RBM34: variants seen among roughly 807,000 people sequenced by gnomAD.
The protein encoded by RBM34 is RNA binding motif protein 34, also known as RNA-binding protein 34.
RBM34 carries 39 observed loss-of-function variants against 44.6 expected under a neutral mutation model. That is an observed-to-expected ratio of 0.87 (90% CI 0.68 to 1.14). The LOEUF (loss-of-function observed/expected upper bound fraction) is 1.14. RBM34 is among the 50% of genes most tolerant of loss of function. The pLI is 0.00. For synonymous variants in RBM34, 194 were observed against 184.0 expected (o/e 1.05, Z -0.44); for missense variants, 572 against 517.9 (o/e 1.10, Z -1.01).
intron 5 of RBM34, among the ~76,000 whole-genome samples, chr1:235,150,340 G>A (rs1321080469): frequency 2.6e-5 from 4 of 152,122 alleles, no homozygotes; most frequent in Admixed American, 1.3e-4. Flanking sequence ...CAAAGTGCTG[G>A]GTTACAGGCA....
At chr1:235,142,284 T>TA (rs1572150980) in intron 6 of RBM34, among the ~76,000 whole-genome samples, 1 of 107,296 alleles carries the variant, frequency 9.3e-6, no homozygotes, top group Non-Finnish European at 2.0e-5. Flanking sequence ...GCAATAGCAC[T>TA]TTTTTTATTT....
At chr1:235,138,215 A>C in intron 6 of RBM34, 41 bp from the exon 7 acceptor site, 1 of 1,513,052 alleles carries the variant, frequency 6.6e-7, no homozygotes, top group Non-Finnish European at 9.0e-7. Flanking sequence ...AAAGAGAGAC[A>C]AGGTAAATTT....
At chr1:235,141,599 G>A (rs913372636) in intron 6 of RBM34, among the ~76,000 whole-genome samples, 3 of 152,160 alleles carry the variant, frequency 2.0e-5, no homozygotes, top group African/African-American at 7.2e-5. Context: ...CACTGTGGAA[G>A]CTTTGTCCTT....
At chr1:235,150,283 C>T (rs771150178) in intron 5 of RBM34, among the ~76,000 whole-genome samples, 3 of 152,182 alleles carry the variant, frequency 2.0e-5, no homozygotes, top group Non-Finnish European at 4.4e-5. Flanking sequence ...CCATGTTGGC[C>T]AGGCTGGTCT....
At chr1:235,157,888 G>A (rs1033790695) in intron 3 of RBM34, among the ~76,000 whole-genome samples, 2 of 152,144 alleles carry the variant, frequency 1.3e-5, no homozygotes, top group Non-Finnish European at 2.9e-5. Context: ...GCACAGTCAG[G>A]ACGGAGAATA....
intron 3 of RBM34, 143 bp from the exon 4 acceptor site, chr1:235,155,255 T>C (rs980176893): frequency 8.6e-6 from 6 of 696,436 alleles, no homozygotes; most frequent in Non-Finnish European, 1.5e-5. Flanking sequence ...CACAAATATA[T>C]CAAAATTTTT....
chr1:235,148,790 C>G lies in RBM34; in HGVS notation c.658-343G>C, dbSNP rs969175987. On this transcript the variant is annotated intron_variant, in intron 5 of 10. Transcript: ENST00000408888. ...ATTTTTTGTATTTTTAGTAGAGATG[C>G]GGTTTCATCAGGTTAGCCAGGATGG... is the stretch of plus-strand genomic sequence containing the variant. Among the ~76,000 whole-genome samples, 17 of 151,780 alleles carry G rather than the reference C, an allele frequency of 1.1e-4. No homozygotes were observed. The East Asian group carries it at 1.2e-3, about 11-fold the overall frequency.
intron 6 of RBM34, among the ~76,000 whole-genome samples, chr1:235,146,727 T>G (rs1661924612): frequency 6.6e-6 from 1 of 152,130 alleles, no homozygotes; most frequent in African/African-American, 2.4e-5. Flanking sequence ...ATCAAGCGAT[T>G]CTCTTGCCTC....
At chr1:235,145,736 T>C (rs1661873761) in intron 6 of RBM34, among the ~76,000 whole-genome samples, 1 of 152,230 alleles carries the variant, frequency 6.6e-6, no homozygotes, top group Non-Finnish European at 1.5e-5. Context: ...CAGATAAGTT[T>C]AGCTTATGTA....
At chr1:235,134,378 C>T (rs1253820357) in intron 10 of RBM34, among the ~76,000 whole-genome samples, 2 of 152,080 alleles carry the variant, frequency 1.3e-5, no homozygotes, top group Non-Finnish European at 1.5e-5. Flanking sequence ...CCAAGCTGGA[C>T]TTGAAGTCCT....
intron 5 of RBM34, among the ~76,000 whole-genome samples, chr1:235,151,496 C>T (rs1662156342): frequency 6.6e-6 from 1 of 152,174 alleles, no homozygotes; most frequent in South Asian, 2.1e-4. Context: ...ACGTCTACTT[C>T]TATAGAAGTG....
intron 5 of RBM34, among the ~76,000 whole-genome samples, chr1:235,149,087 C>T (rs1662039701): frequency 6.6e-6 from 1 of 151,676 alleles, no homozygotes; most frequent in Non-Finnish European, 1.5e-5. Flanking sequence ...ATGAAAGACA[C>T]ATGAAAAATG....
chr1:235,131,959 ATTAT>A lies in RBM34; in HGVS notation c.1043_1046del (p.Asn348IlefsTer29), dbSNP rs759689242. On this transcript the variant is annotated frameshift_variant, in exon 11 of 11. Transcript: ENST00000408888. LOFTEE classifies it high-confidence loss of function. The stretch of plus-strand genomic sequence containing the variant: ...TGAGTTTTCTCCCCATGAGTTCAGA[ATTAT>A]TTAATTTCAGAGCAAGATGAACAGA... 1.2e-6 allele frequency: 2 copies of A among 1,604,972 alleles called. No homozygotes were observed. The highest frequency in any genetic ancestry group is 1.1e-5 in the South Asian group (1 of 89,972).
intron 6 of RBM34, 120 bp downstream of exon 6, chr1:235,148,284 T>C (rs1661995825): frequency 3.2e-6 from 2 of 622,910 alleles, no homozygotes; most frequent in Non-Finnish European, 5.1e-6. Context: ...AAACAGTCAA[T>C]CATGCTCTAT....
At chr1:235,147,098 G>A (rs1038440537) in intron 6 of RBM34, among the ~76,000 whole-genome samples, 5 of 152,158 alleles carry the variant, frequency 3.3e-5, no homozygotes, top group Admixed American at 2.6e-4. Flanking sequence ...CCAGGGTGGT[G>A]TGCACACCTG....
chr1:235,152,855 T>A, intron 4 of RBM34, 90 bp from the exon 5 acceptor site: 1 of 1,063,882 alleles, frequency 9.4e-7, no homozygotes, highest in Non-Finnish European at 1.3e-6. Context: ...TGTCTGATAA[T>A]CCTCTACTGC....
At chr1:235,138,217 G>C (rs752486245) in intron 6 of RBM34, 43 bp from the exon 7 acceptor site, 1 of 1,501,836 alleles carries the variant, frequency 6.7e-7, no homozygotes, top group Non-Finnish European at 9.0e-7. Flanking sequence ...AGAGAGACAA[G>C]GTAAATTTCT....
chr1:235,157,747 T>C (rs1662511552), intron 3 of RBM34, among the ~76,000 whole-genome samples: 1 of 152,172 alleles, frequency 6.6e-6, no homozygotes, highest in Non-Finnish European at 1.5e-5. Context: ...AAGAGATTTC[T>C]CTCAGAGAAT....
At chr1:235,158,845 T>C (rs1319572179) in intron 3 of RBM34, among the ~76,000 whole-genome samples, 2 of 151,930 alleles carry the variant, frequency 1.3e-5, no homozygotes, top group Non-Finnish European at 2.9e-5. Context: ...TGGCCGGGCA[T>C]GGTGGGTCAT....
Sources: gnomAD v4.1 joint callset for allele counts (sites outside exome capture counted in the v4.1 genomes callset) on GRCh38, gnomAD v4.1.1 for gene constraint, MANE v1.5 for transcripts, NCBI Gene and HGNC (gene_info 2026-07-23, HGNC 2026-07-21) for gene names.